Variants in FCRL6 observed in about 807,000 individuals in gnomAD.
FCRL6 encodes Fc receptor like 6.
Under a neutral mutation model 49.1 loss-of-function variants are expected in FCRL6, and 50 were observed. That is an observed-to-expected ratio of 1.02 (90% confidence interval 0.81 to 1.29). The LOEUF is 1.29. Among genes scored for constraint, FCRL6 ranks in the 50% most tolerant of loss-of-function variants. FCRL6 has a pLI of 0.00. For missense variants in FCRL6, 571 were observed against 518.5 expected, an observed-to-expected ratio of 1.10 and a Z score of -0.98; for synonymous variants, 213 against 199.6, an observed-to-expected ratio of 1.07 and a Z score of -0.57.
At chr1:159,808,859 C>T (rs998437489) in intron 3 of FCRL6, 102 bp from the exon 4 acceptor site, 8 of 1,280,584 alleles carry the variant, frequency 6.2e-6, no homozygotes, top group African/African-American at 4.5e-5. Context: ...CCATCGGGGT[C>T]CCCGGGCTGC....
intron 1 of FCRL6, among the ~76,000 whole-genome samples, chr1:159,804,508 C>T (rs1386611687): frequency 6.6e-6 from 1 of 152,222 alleles, no homozygotes; most frequent in Non-Finnish European, 1.5e-5. Flanking sequence ...AGCTCTTGGC[C>T]ACTTCATGAT....
rs1450007519 is a variant in FCRL6, at chr1:159,809,150, C to T, written c.509C>T (p.Ala170Val). The T allele has an allele frequency of 1.9e-6, 3 of 1,613,898 alleles. No individual in the cohort carries two copies. The highest frequency in any genetic ancestry group is 2.5e-6 in the Non-Finnish European group (3 of 1,179,870). Reference protein sequence around the residue: ...GPHPELCIPGAKEGDSGLYWC... With the variant: ...GPHPELCIPGVKEGDSGLYWC... ...CACCCAGAACTCTGCATCCCGGGAG[C>T]CAAGGAGGGAGACTCTGGGCTTTAC... Residue 170 changes from alanine (A) to valine (V), a missense_variant, in exon 4 of 10, where the codon GCC (alanine) becomes GTC (valine). Ala to Val is a moderately conservative substitution (Grantham distance 64). Coordinates refer to ENST00000368106, the MANE Select transcript of FCRL6 (RefSeq NM_001004310.3).
rs1404589688 is a variant in FCRL6 at position 159,815,667 on chromosome 1, G to A, written c.*6G>A. On this transcript the variant is annotated 3_prime_UTR_variant, in exon 10 of 10. Transcript: ENST00000368106. Reference sequence around the variant, plus strand: ...GTGAGGAGGTTCTCTGCTAGTGATGGTGTTCTCCTATCAACACACGCCCAC... The same window carrying A: ...GTGAGGAGGTTCTCTGCTAGTGATGATGTTCTCCTATCAACACACGCCCAC... 2.5e-6 allele frequency: 4 copies of A among 1,613,906 alleles called. No individual in the cohort carries two copies. The South Asian group carries it at 4.4e-5, about 18-fold the overall frequency.
At position 159,814,924 on chromosome 1, in the gene FCRL6, C is replaced by T. The variant is rs570404855; in HGVS notation, c.1148-504C>T. Among the ~76,000 whole-genome samples, 9 of 152,260 alleles carry T rather than the reference C, an allele frequency of 5.9e-5. No individual in the cohort carries two copies. The East Asian group carries it at 1.7e-3, about 29-fold the overall frequency. ...CTGTTGACTTGGCAAGTCAAGTGTC[C>T]TCTCTGGGCCTAATCTGCAAAGGGG... On this transcript the variant is annotated intron_variant, in intron 8 of 9. Coordinates refer to ENST00000368106, the MANE Select transcript of FCRL6 (RefSeq NM_001004310.3).
Position 159,813,486 on chromosome 1 carries a change from T to C in FCRL6, c.1010-3T>C, listed in dbSNP as rs766109583. Reference sequence around the variant, plus strand: ...CAGTGAATCATGCCCTTGTATCTCCTAGGGCCCCTTCCATCCCAGATACCA... The same window carrying C: ...CAGTGAATCATGCCCTTGTATCTCCCAGGGCCCCTTCCATCCCAGATACCA... On this transcript the variant is annotated splice_region_variant and splice_polypyrimidine_tract_variant and intron_variant, in intron 6 of 9. Coordinates refer to ENST00000368106, the MANE Select transcript of FCRL6 (RefSeq NM_001004310.3). 19 of 1,613,076 alleles carry C rather than the reference T, an allele frequency of 1.2e-5. No homozygotes were observed. Among genetic ancestry groups the C allele is most frequent in the Non-Finnish European group, 8.5e-6 (10 of 1,179,222 alleles).
chr1:159,808,447 G>A lies in FCRL6; in HGVS notation c.319+3G>A, dbSNP rs372542430. Reference sequence around the variant, plus strand: ...GACTGCCATGGTTCAAGTCCAAGGTGAGTCACCAGCTTGGGAGTTTGTGGG... The same window carrying A: ...GACTGCCATGGTTCAAGTCCAAGGTAAGTCACCAGCTTGGGAGTTTGTGGG... On this transcript the variant is annotated splice_donor_region_variant and intron_variant, in intron 3 of 9. Coordinates refer to ENST00000368106, the MANE Select transcript of FCRL6 (RefSeq NM_001004310.3). The A allele has an allele frequency of 2.7e-5, 43 of 1,614,060 alleles. No individual in the cohort carries two copies. The highest frequency in any genetic ancestry group is 1.6e-4 in the East Asian group (7 of 44,902).
At chr1:159,802,586 G>GCACA in intron 1 of FCRL6, 131 bp downstream of exon 1, 1 of 784,312 alleles carries the variant, frequency 1.3e-6, no homozygotes, top group Non-Finnish European at 2.2e-6. Flanking sequence ...ACAGGTGTGT[G>GCACA]CACCTGGGCA....
chr1:159,811,550 G>A (rs1663087172), intron 6 of FCRL6, among the ~76,000 whole-genome samples: 1 of 152,136 alleles, frequency 6.6e-6, no homozygotes, highest in African/African-American at 2.4e-5. Flanking sequence ...ACCTGAAAAG[G>A]TCTCTTCCCA....
At chr1:159,810,575 A>G (rs1260773598) in intron 6 of FCRL6, among the ~76,000 whole-genome samples, 1 of 106,800 alleles carries the variant, frequency 9.4e-6, no homozygotes, top group African/African-American at 3.2e-5. Flanking sequence ...GAATATGAGC[A>G]AAAAAAAAAA....
intron 1 of FCRL6, among the ~76,000 whole-genome samples, chr1:159,803,532 A>G (rs1346825320): frequency 6.6e-6 from 1 of 152,170 alleles, no homozygotes; most frequent in African/African-American, 2.4e-5. Context: ...ATTTGGACAA[A>G]TGAAAAGGTC....
In FCRL6 at chr1:159,802,418, A is replaced by G. The variant is rs1662392892; in HGVS notation, c.-7A>G. On this transcript the variant is annotated 5_prime_UTR_variant, in exon 1 of 10. Coordinates refer to ENST00000368106, the MANE Select transcript of FCRL6 (RefSeq NM_001004310.3). ...TGTGTTCCCTCCGCTGTGCCAGAAC[A>G]GGCCCCATGCTGCTCTGGACGGCTG... The G allele has an allele frequency of 1.2e-6, 2 of 1,613,726 alleles. No individual in the cohort carries two copies. The highest frequency in any genetic ancestry group is 2.2e-5 in the South Asian group (2 of 91,020).
chr1:159,812,922 G>A (rs1663170934), intron 6 of FCRL6, among the ~76,000 whole-genome samples: 1 of 152,210 alleles, frequency 6.6e-6, no homozygotes, highest in South Asian at 2.1e-4. Context: ...CCTGGATTAA[G>A]ATTCTGTCTC....
chr1:159,809,185 G>A lies in FCRL6; in HGVS notation c.544G>A (p.Val182Met), dbSNP rs1326268018. 8.1e-6 allele frequency: 13 copies of A among 1,608,686 alleles called. No individual in the cohort carries two copies. Among genetic ancestry groups the A allele is most frequent in the African/African-American group, 8.0e-5 (6 of 74,828 alleles). ...AGACTCTGGGCTTTACTGGTGTGAG[G>A]TGGCCCCTGAGGGTGGCCAGGTCCA... ...EGDSGLYWCE[V>M]APEGGQVQKQ... Residue 182 changes from valine (V) to methionine (M), a missense_variant, in exon 4 of 10, where the codon GTG (valine) becomes ATG (methionine). Physicochemically the swap from Val to Met is conservative, Grantham distance 21 (BLOSUM62 1). Transcript: ENST00000368106.
rs1662903662 is a variant in FCRL6 at position 159,809,050 on chromosome 1, C to T, written c.409C>T (p.His137Tyr). The T allele has an allele frequency of 1.2e-6, 2 of 1,613,972 alleles. No individual in the cohort carries two copies. Among genetic ancestry groups the T allele is most frequent in the Non-Finnish European group, 1.7e-6 (2 of 1,179,980 alleles). The change falls in exon 4 of 10, where the codon CAC becomes TAC. Residue 137 changes from histidine to tyrosine, a missense_variant. By Grantham distance (83) the His-to-Tyr change is moderately conservative (BLOSUM62 2). Coordinates refer to ENST00000368106, the MANE Select transcript of FCRL6 (RefSeq NM_001004310.3). ...LVTLRCQTKL[H>Y]PLRSALRLLF... The stretch of plus-strand genomic sequence containing the variant: ...GACCCTGAGATGTCAGACAAAGCTG[C>T]ACCCCCTGAGGTCAGCCTTGAGGCT...
rs1662916458 is a variant in FCRL6 at position 159,809,162 on chromosome 1, A to C, written c.521A>C (p.Asp174Ala). ...ELCIPGAKEG[D>A]SGLYWCEVAP... ...TGCATCCCGGGAGCCAAGGAGGGAG[A>C]CTCTGGGCTTTACTGGTGTGAGGTG... Residue 174 changes from aspartate (D) to alanine (A), a missense_variant, in exon 4 of 10, where the codon GAC becomes GCC. Coordinates refer to ENST00000368106, the MANE Select transcript of FCRL6 (RefSeq NM_001004310.3). 1 of 1,613,242 alleles carries C rather than the reference A, an allele frequency of 6.2e-7. No individual in the cohort carries two copies. Among genetic ancestry groups the C allele is most frequent in the Non-Finnish European group, 8.5e-7 (1 of 1,179,680 alleles).
intron 6 of FCRL6, among the ~76,000 whole-genome samples, chr1:159,810,959 T>A (rs1266998986): frequency 6.6e-6 from 1 of 152,252 alleles, no homozygotes; most frequent in East Asian, 1.9e-4. Context: ...CATTCTAATC[T>A]GAGAAGATCA....
chr1:159,813,085 A>G (rs1228212500), intron 6 of FCRL6, among the ~76,000 whole-genome samples: 2 of 152,168 alleles, frequency 1.3e-5, no homozygotes, highest in Non-Finnish European at 2.9e-5. Context: ...AAATCCAACT[A>G]TGTGCTGGTC....
chr1:159,808,808 G>A, intron 3 of FCRL6, 153 bp from the exon 4 acceptor site: 1 of 736,164 alleles, frequency 1.4e-6, no homozygotes, highest in Admixed American at 3.0e-5. Context: ...AGAGTTTGTG[G>A]GTGAGGGTAA....
chr1:159,806,463 G>GTGT, intron 1 of FCRL6, 133 bp from the exon 2 acceptor site: 17 of 785,350 alleles, frequency 2.2e-5, no homozygotes, highest in Non-Finnish European at 3.7e-5. Context: ...CTGTGTGGAT[G>GTGT]GGTGGCTAGG....
Sources: gnomAD v4.1 joint callset for allele counts (sites outside exome capture counted in the v4.1 genomes callset) on GRCh38, gnomAD v4.1.1 for gene constraint, MANE v1.5 for transcripts, NCBI Gene and HGNC (gene_info 2026-07-23, HGNC 2026-07-21) for gene names.